Variants in MAN1A2 observed in about 807,000 individuals in gnomAD.
MAN1A2 encodes the protein mannosyl-oligosaccharide 1,2-alpha-mannosidase IB.
Under a neutral mutation model 75.7 loss-of-function variants are expected in MAN1A2, and 26 were observed. The observed-to-expected ratio is 0.34, with a 90% confidence interval of 0.25 to 0.48. The LOEUF is 0.48. Ranked by LOEUF, MAN1A2 falls within the 20% of genes least tolerant of loss-of-function variation. The pLI is 0.99. For synonymous variants in MAN1A2, 247 were observed against 264.6 expected (o/e 0.93, Z 0.65); for missense variants, 562 against 775.5 (o/e 0.72, Z 3.27).
intron 5 of MAN1A2, among the ~76,000 whole-genome samples, chr1:117,426,605 C>T (rs889602478): frequency 1.3e-5 from 2 of 152,118 alleles, no homozygotes; most frequent in African/African-American, 4.8e-5. Context: ...ATTGATATAA[C>T]AAAGCCCAGT....
chr1:117,468,849 T>C (rs906420877), intron 8 of MAN1A2, among the ~76,000 whole-genome samples: 6 of 152,318 alleles, frequency 3.9e-5, no homozygotes, highest in African/African-American at 1.4e-4. Flanking sequence ...CAAAGTGTTA[T>C]GTGTGGTTTT....
At chr1:117,445,836 A>T (rs1649205163) in intron 6 of MAN1A2, among the ~76,000 whole-genome samples, 1 of 115,466 alleles carries the variant, frequency 8.7e-6, no homozygotes, top group Non-Finnish European at 1.8e-5. Flanking sequence ...CCAAATTTTC[A>T]TATTTGTGTG....
chr1:117,438,297 A>T (rs1489160564), intron 5 of MAN1A2, among the ~76,000 whole-genome samples: 1 of 151,974 alleles, frequency 6.6e-6, no homozygotes, highest in Non-Finnish European at 1.5e-5. Flanking sequence ...AGTAGCTTAT[A>T]GGATCAGGAT....
At chr1:117,371,506 G>A (rs975219246) in intron 1 of MAN1A2, among the ~76,000 whole-genome samples, 4 of 152,184 alleles carry the variant, frequency 2.6e-5, no homozygotes, top group Non-Finnish European at 5.9e-5. Context: ...CATTGAGAAA[G>A]TGTGCCTCAG....
At chr1:117,378,398 G>T (rs1653225433) in intron 1 of MAN1A2, among the ~76,000 whole-genome samples, 1 of 151,918 alleles carries the variant, frequency 6.6e-6, no homozygotes, top group Non-Finnish European at 1.5e-5. Context: ...TCCCCTTCAT[G>T]TTATCTTTAC....
Position 117,462,271 on chromosome 1 carries a change from G to A in MAN1A2, c.1074+1659G>A, listed in dbSNP as rs377401608. ...CGGTATGTACATTTACATTGTATAC[G>A]TAGAAGCATTGTTTATATTGGCAAT... On this transcript the variant is annotated intron_variant, in intron 7 of 12. Transcript: ENST00000356554. Among the ~76,000 whole-genome samples the A allele has an allele frequency of 4.6e-5, 7 of 152,010 alleles. No individual in the cohort carries two copies. In the East Asian group the frequency reaches 5.8e-4, roughly 13 times the overall value.
chr1:117,425,279 C>T (rs1379247730), intron 5 of MAN1A2, among the ~76,000 whole-genome samples: 3 of 151,982 alleles, frequency 2.0e-5, no homozygotes, highest in East Asian at 1.9e-4. Context: ...GCAAATTCTA[C>T]CAAATATTTA....
chr1:117,448,440 T>C (rs891519758), intron 6 of MAN1A2, among the ~76,000 whole-genome samples: 25 of 152,158 alleles, frequency 1.6e-4, no homozygotes, highest in African/African-American at 6.0e-4. Context: ...GTGATGGAGA[T>C]AGCAGTAAAG....
At chr1:117,435,971 T>A (rs1179596493) in intron 5 of MAN1A2, among the ~76,000 whole-genome samples, 2 of 152,044 alleles carry the variant, frequency 1.3e-5, no homozygotes, top group Non-Finnish European at 2.9e-5. Context: ...GGCAGGAGAA[T>A]CACTTGAACC....
chr1:117,374,994 A>G (rs1004309798), intron 1 of MAN1A2, among the ~76,000 whole-genome samples: 2 of 152,200 alleles, frequency 1.3e-5, no homozygotes, highest in Admixed American at 6.5e-5. Flanking sequence ...GTGAAAATGA[A>G]CGAAATGACT....
rs575306554 is a variant in MAN1A2, at chr1:117,516,779, G to A, written c.1794-6046G>A. Among the ~76,000 whole-genome samples, 195 of 152,230 alleles carry A rather than the reference G, an allele frequency of 1.3e-3. 1 individual carries two copies. Among genetic ancestry groups the A allele is most frequent in the Middle Eastern group, 6.8e-3 (2 of 294 alleles). ...AGACAAAGCCCAGCGTGCTCCCTGA[G>A]GAGATGAAGCTGTGAGTGTGGGGAA... On this transcript the variant is annotated intron_variant, in intron 12 of 12. Coordinates refer to ENST00000356554, the MANE Select transcript of MAN1A2 (RefSeq NM_006699.5).
At chr1:117,370,451 A>C (rs4659047) in intron 1 of MAN1A2, among the ~76,000 whole-genome samples, 1 of 152,056 alleles carries the variant, frequency 6.6e-6, no homozygotes, top group South Asian at 2.1e-4. Flanking sequence ...TTCTGTGGTT[A>C]TATCAGTTGA....
chr1:117,368,525 G>GAGCA (rs751816450), intron 1 of MAN1A2, 40 bp downstream of exon 1: 2 of 1,529,476 alleles, frequency 1.3e-6, no homozygotes, highest in African/African-American at 1.4e-5. Flanking sequence ...ACATTTGGCA[G>GAGCA]AGCAAGGTAC....
intron 3 of MAN1A2, among the ~76,000 whole-genome samples, chr1:117,410,804 T>A (rs1647788399): frequency 6.6e-6 from 1 of 151,746 alleles, no homozygotes; most frequent in Non-Finnish European, 1.5e-5. Context: ...TGTGTCTTGG[T>A]ATACTTGCAA....
intron 3 of MAN1A2, among the ~76,000 whole-genome samples, chr1:117,410,316 T>G (rs1223082025): frequency 6.6e-6 from 1 of 151,726 alleles, no homozygotes; most frequent in Non-Finnish European, 1.5e-5. Flanking sequence ...ATCAGTATAA[T>G]AAAAGAGAAA....
chr1:117,370,555 T>C (rs1243645698), intron 1 of MAN1A2, among the ~76,000 whole-genome samples: 1 of 152,246 alleles, frequency 6.6e-6, no homozygotes, highest in African/African-American at 2.4e-5. Flanking sequence ...GGAAATACTT[T>C]TTAAATTAAG....
At chr1:117,386,226 T>C (rs1406416394) in intron 1 of MAN1A2, among the ~76,000 whole-genome samples, 1 of 152,192 alleles carries the variant, frequency 6.6e-6, no homozygotes, top group Admixed American at 6.5e-5. Flanking sequence ...AATAAGGGGA[T>C]GAAGTTTTTA....
chr1:117,518,422 G>T (rs1226284258), intron 12 of MAN1A2, among the ~76,000 whole-genome samples: 1 of 151,852 alleles, frequency 6.6e-6, no homozygotes, highest in Non-Finnish European at 1.5e-5. Flanking sequence ...TTTCTTTTAT[G>T]ATGAAATGTT....
chr1:117,369,574 C>A (rs1373517194), intron 1 of MAN1A2, among the ~76,000 whole-genome samples: 1 of 152,098 alleles, frequency 6.6e-6, no homozygotes, highest in African/African-American at 2.4e-5. Flanking sequence ...CTTTTTTTCT[C>A]AACCTAGTTA....
Sources: gnomAD v4.1 joint callset for allele counts (sites outside exome capture counted in the v4.1 genomes callset) on GRCh38, gnomAD v4.1.1 for gene constraint, MANE v1.5 for transcripts, NCBI Gene and HGNC (gene_info 2026-07-23, HGNC 2026-07-21) for gene names.